KIZ: variants seen among roughly 807,000 people sequenced by gnomAD.
KIZ encodes the protein kizuna centrosomal protein.
A neutral mutation model predicts 79.6 loss-of-function variants in KIZ; 68 were observed. That is an observed-to-expected ratio of 0.85 (90% CI 0.70 to 1.05). The LOEUF is 1.05. KIZ is among the 50% of genes least tolerant of loss of function. KIZ has a pLI of 0.00. For synonymous variants in KIZ, 280 were observed against 281.8 expected (o/e 0.99, Z 0.06); for missense variants, 797 against 800.4 (o/e 1.00, Z 0.05).
At chr20:21,188,676 T>TTTAATTTA (rs1555882083) in intron 6 of KIZ, among the ~76,000 whole-genome samples, 1 of 141,834 alleles carries the variant, frequency 7.1e-6, no homozygotes, top group African/African-American at 2.7e-5. Flanking sequence ...TTGCATTTTA[T>TTTAATTTA]TTTATTTATT....
At chr20:21,135,178 A>C (rs1003380453) in intron 2 of KIZ, among the ~76,000 whole-genome samples, 1 of 152,168 alleles carries the variant, frequency 6.6e-6, no homozygotes, top group Non-Finnish European at 1.5e-5. Context: ...GCATGGGTAG[A>C]TGAGTTACTC....
At chr20:21,206,242 T>C (rs144991648) in intron 7 of KIZ, among the ~76,000 whole-genome samples, 39 of 152,302 alleles carry the variant, frequency 2.6e-4, no homozygotes, top group Non-Finnish European at 2.4e-4. Flanking sequence ...TACACAGATA[T>C]CAGCCCAGAT....
At chr20:21,166,448 A>C in intron 6 of KIZ, 1 of 1,590,050 alleles carries the variant, frequency 6.3e-7, no homozygotes, top group Non-Finnish European at 8.6e-7. Flanking sequence ...AATGATTTCA[A>C]ATTCGCCAGT....
chr20:21,130,547 T>G (rs2031778806), intron 1 of KIZ, among the ~76,000 whole-genome samples: 1 of 152,214 alleles, frequency 6.6e-6, no homozygotes, highest in Admixed American at 6.5e-5. Context: ...ACTTCTATTC[T>G]AAGTTCACTC....
intron 6 of KIZ, among the ~76,000 whole-genome samples, chr20:21,191,834 T>A (rs1030578273): frequency 6.6e-6 from 1 of 150,886 alleles, no homozygotes; most frequent in Admixed American, 6.6e-5. Flanking sequence ...AGGTAGGGCT[T>A]GTTTAAAAGA....
chr20:21,180,294 A>C (rs980067926), intron 6 of KIZ, among the ~76,000 whole-genome samples: 9 of 150,344 alleles, frequency 6.0e-5, no homozygotes, highest in African/African-American at 2.2e-4. Context: ...GATGATGACG[A>C]TGACAACTCT....
At chr20:21,132,298 A>T (rs2031902683) in intron 2 of KIZ, 139 bp downstream of exon 2, 1 of 556,444 alleles carries the variant, frequency 1.8e-6, no homozygotes, top group African/African-American at 2.0e-5. Context: ...TTTGAGATGG[A>T]GTCTTGCTCT....
At chr20:21,176,332 A>T (rs1037992520) in intron 6 of KIZ, among the ~76,000 whole-genome samples, 1 of 152,178 alleles carries the variant, frequency 6.6e-6, no homozygotes, top group South Asian at 2.1e-4. Flanking sequence ...CAATCAATCA[A>T]TCAATCCGGA....
At chr20:21,149,711 C>G (rs1253323270) in intron 4 of KIZ, among the ~76,000 whole-genome samples, 1 of 152,152 alleles carries the variant, frequency 6.6e-6, no homozygotes, top group South Asian at 2.1e-4. Context: ...GATCTGAGCA[C>G]CATTCATAAG....
intron 6 of KIZ, among the ~76,000 whole-genome samples, chr20:21,183,164 A>G (rs1365713652): frequency 6.6e-6 from 1 of 152,204 alleles, no homozygotes; most frequent in African/African-American, 2.4e-5. Flanking sequence ...AGACAACTCT[A>G]CCCCAGCAAG....
At chr20:21,151,045 T>C (rs1200288008) in intron 4 of KIZ, 3 of 152,208 alleles carry the variant, frequency 2.0e-5, no homozygotes, top group Non-Finnish European at 4.4e-5. Flanking sequence ...TTATATAATA[T>C]AGGCGTATAG....
chr20:21,205,420 G>A lies in KIZ; in HGVS notation c.1353-71G>A, dbSNP rs2035777338. On this transcript the variant is annotated intron_variant, in intron 6 of 12. Transcript: ENST00000619189. ...TAAACCATCTTCTACTAACGTAATTGAGGCCTTTAAAAATGTGGGAATCTT... is the reference window on the plus strand; with the variant it reads ...TAAACCATCTTCTACTAACGTAATTAAGGCCTTTAAAAATGTGGGAATCTT... The A allele has an allele frequency of 7.9e-6, 5 of 630,230 alleles. No homozygotes were observed. In the Admixed American group the frequency reaches 1.5e-4, roughly 18 times the overall value. 39.0% of individuals were successfully genotyped at this position (630,230 alleles called of 1,614,324 possible). A position where few individuals can be genotyped will look rare whatever the true frequency, so the allele number is the denominator to read the frequency against.
At chr20:21,147,556 C>T (rs2032910777) in intron 4 of KIZ, among the ~76,000 whole-genome samples, 1 of 152,166 alleles carries the variant, frequency 6.6e-6, no homozygotes, top group Non-Finnish European at 1.5e-5. Context: ...TGGTCATTGA[C>T]CTCCAGGGCC....
intron 4 of KIZ, among the ~76,000 whole-genome samples, chr20:21,157,783 G>A (rs1332465596): frequency 6.6e-6 from 1 of 152,136 alleles, no homozygotes; most frequent in Admixed American, 6.5e-5. Context: ...TTTGTGCTTT[G>A]GCTTGGCCTT....
At chr20:21,127,857 A>G (rs1408177350) in intron 1 of KIZ, among the ~76,000 whole-genome samples, 1 of 152,238 alleles carries the variant, frequency 6.6e-6, no homozygotes, top group Non-Finnish European at 1.5e-5. Context: ...TAATATGCAA[A>G]GTAAGGCCAC....
At chr20:21,189,124 A>G (rs1461219450) in intron 6 of KIZ, among the ~76,000 whole-genome samples, 1 of 152,164 alleles carries the variant, frequency 6.6e-6, no homozygotes, top group Non-Finnish European at 1.5e-5. Flanking sequence ...GATTAGAGGT[A>G]TGAGCCACCA....
chr20:21,231,416 A>G (rs930476895), intron 10 of KIZ, among the ~76,000 whole-genome samples: 3 of 152,228 alleles, frequency 2.0e-5, no homozygotes, highest in Non-Finnish European at 4.4e-5. Flanking sequence ...GGTACTATTA[A>G]TAACCTTGTA....
intron 3 of KIZ, among the ~76,000 whole-genome samples, chr20:21,145,165 T>A (rs1025666056): frequency 1.9e-4 from 13 of 68,202 alleles, no homozygotes; most frequent in Non-Finnish European, 3.9e-4. Context: ...TAGGATTGAT[T>A]TTTTTTGTTT....
chr20:21,165,828 A>AT (rs2033903720), intron 6 of KIZ, among the ~76,000 whole-genome samples: 7 of 152,090 alleles, frequency 4.6e-5, no homozygotes, highest in African/African-American at 1.7e-4. Context: ...ATGAGACTTT[A>AT]AAAGAGACTG....
Sources: gnomAD v4.1 joint callset for allele counts (sites outside exome capture counted in the v4.1 genomes callset) on GRCh38, gnomAD v4.1.1 for gene constraint, MANE v1.5 for transcripts, NCBI Gene and HGNC (gene_info 2026-07-23, HGNC 2026-07-21) for gene names.